The following DIAPH3 variants were observed in gnomAD, a reference collection of about 807,000 sequenced individuals.
DIAPH3 encodes the protein diaphanous related formin 3, also known as protein diaphanous homolog 3.
DIAPH3 carries 117 observed loss-of-function variants against 144.3 expected under a neutral mutation model. That is an observed-to-expected ratio of 0.81 (90% CI 0.70 to 0.95). The LOEUF (loss-of-function observed/expected upper bound fraction) is 0.95, where lower values mean the gene tolerates loss of function less well. Ranked by LOEUF, DIAPH3 falls within the 40% of genes least tolerant of loss-of-function variation. The pLI is 0.00. For synonymous variants in DIAPH3, 519 were observed against 488.9 expected (o/e 1.06, Z -0.81); for missense variants, 1,421 against 1,412.7 (o/e 1.01, Z -0.09).
chr13:60,087,759 G>A (rs899457009), intron 4 of DIAPH3, among the ~76,000 whole-genome samples: 2 of 149,850 alleles, frequency 1.3e-5, no homozygotes, highest in African/African-American at 4.9e-5. Context: ...TTATAAAAGA[G>A]GAATTCTGCT....
At chr13:59,841,744 G>A (rs566084611) in intron 22 of DIAPH3, among the ~76,000 whole-genome samples, 1 of 152,214 alleles carries the variant, frequency 6.6e-6, no homozygotes, top group African/African-American at 2.4e-5. Context: ...AATAGTAATG[G>A]TAATAACAAC....
At chr13:59,829,872 T>C (rs886744162) in intron 24 of DIAPH3, among the ~76,000 whole-genome samples, 1 of 151,688 alleles carries the variant, frequency 6.6e-6, no homozygotes, top group Non-Finnish European at 1.5e-5. Flanking sequence ...AGGTATGGAG[T>C]GAAGACAGTG....
chr13:60,041,323 C>T (rs912778175), intron 5 of DIAPH3, among the ~76,000 whole-genome samples: 7 of 152,156 alleles, frequency 4.6e-5, no homozygotes, highest in Non-Finnish European at 1.0e-4. Flanking sequence ...GGAGCATTTC[C>T]TACATGCTAA....
intron 15 of DIAPH3, 133 bp downstream of exon 15, chr13:59,974,218 AC>A: frequency 1.4e-6 from 1 of 720,714 alleles, no homozygotes; most frequent in Non-Finnish European, 2.3e-6. Flanking sequence ...ATAGCAAAAC[AC>A]AGTACAAATA....
At chr13:60,005,559 A>C (rs1566644731) in intron 9 of DIAPH3, among the ~76,000 whole-genome samples, 3 of 152,158 alleles carry the variant, frequency 2.0e-5, no homozygotes, top group South Asian at 4.2e-4. Flanking sequence ...CAACTCACTG[A>C]AAGCTCCGCC....
intron 2 of DIAPH3, among the ~76,000 whole-genome samples, chr13:60,131,435 CAAAAAAAAA>C (rs777909368): frequency 3.4e-5 from 1 of 29,306 alleles, no homozygotes; most frequent in Non-Finnish European, 8.3e-5. Context: ...GACCCTGTCT[CAAAAAAAAA>C]AAAAAAAAAA....
chr13:60,041,946 C>T (rs2055698994), intron 5 of DIAPH3, among the ~76,000 whole-genome samples: 1 of 152,064 alleles, frequency 6.6e-6, no homozygotes, highest in Non-Finnish European at 1.5e-5. Flanking sequence ...AATTAACATA[C>T]ATGATATATT....
At chr13:59,722,583 A>G (rs1283707689) in intron 27 of DIAPH3, among the ~76,000 whole-genome samples, 1 of 152,242 alleles carries the variant, frequency 6.6e-6, no homozygotes, top group East Asian at 1.9e-4. Flanking sequence ...TCATAGCACC[A>G]GCAACCATCC....
chr13:59,906,811 T>C (rs762898143), intron 20 of DIAPH3, among the ~76,000 whole-genome samples: 38 of 152,182 alleles, frequency 2.5e-4, no homozygotes, highest in Non-Finnish European at 5.9e-5. Flanking sequence ...AACTGCAAAT[T>C]TTTAGGCCTC....
At chr13:59,908,326 G>T (rs1036280989) in intron 20 of DIAPH3, among the ~76,000 whole-genome samples, 2 of 136,674 alleles carry the variant, frequency 1.5e-5, no homozygotes, top group Non-Finnish European at 3.0e-5. Flanking sequence ...AGCCGAGATC[G>T]TGCCACTGTA....
chr13:59,737,040 A>G (rs1566241216), intron 27 of DIAPH3, among the ~76,000 whole-genome samples: 3 of 152,224 alleles, frequency 2.0e-5, no homozygotes, highest in African/African-American at 4.8e-5. Flanking sequence ...AACGAAAACC[A>G]TAAAAACCCT....
chr13:60,034,065 G>A (rs915326426), intron 5 of DIAPH3, among the ~76,000 whole-genome samples: 2 of 152,150 alleles, frequency 1.3e-5, no homozygotes, highest in Admixed American at 1.3e-4. Flanking sequence ...AACAAGCCCA[G>A]AAAATTAATC....
At position 59,861,556 on chromosome 13, in the gene DIAPH3, G is replaced by A. The variant is rs775822319; in HGVS notation, c.2608-20C>T. 6.8e-6 allele frequency: 11 copies of A among 1,610,104 alleles called. No individual in the cohort carries two copies. Among genetic ancestry groups the A allele is most frequent in the Non-Finnish European group, 9.3e-6 (11 of 1,176,926 alleles). Reference sequence around the variant, plus strand: ...CTTTAGCTAAATAGAACAGGAGGGAGAAAAAACACAGAGTCATAAGTATGT... The same window carrying A: ...CTTTAGCTAAATAGAACAGGAGGGAAAAAAAACACAGAGTCATAAGTATGT... On this transcript the variant is annotated intron_variant, in intron 21 of 27. Transcript: ENST00000400324.
intron 20 of DIAPH3, among the ~76,000 whole-genome samples, chr13:59,897,466 C>T (rs1180617529): frequency 6.6e-6 from 1 of 152,094 alleles, no homozygotes; most frequent in Non-Finnish European, 1.5e-5. Context: ...AAAGTGGGTG[C>T]TGGCCGGGCA....
At position 59,839,331 on chromosome 13, in the gene DIAPH3, T is replaced by C; in HGVS notation, c.2855A>G (p.Lys952Arg). 6.2e-7 allele frequency: 1 copy of C among 1,613,494 alleles called. No individual in the cohort carries two copies. The highest frequency in any genetic ancestry group is 8.5e-7 in the Non-Finnish European group (1 of 1,179,672). Residue 952 changes from lysine (K) to arginine (R), a missense_variant, in exon 23 of 28, where the codon AAG becomes AGG. Lys to Arg is a conservative substitution (Grantham distance 26). Coordinates refer to ENST00000400324, the MANE Select transcript of DIAPH3 (RefSeq NM_001042517.2). ...TAGCTATCAAAAGGATATGGACATCTTTGTCACAAACTTGTCATGCAAGTC... is the reference window on the plus strand; with the variant it reads ...TAGCTATCAAAAGGATATGGACATCCTTGTCACAAACTTGTCATGCAAGTC... The part of the protein sequence containing the change: ...PEDLHDKFVT[K>R]MSRFVISAKE...
At chr13:60,009,229 T>C (rs982381170) in intron 8 of DIAPH3, among the ~76,000 whole-genome samples, 1 of 152,202 alleles carries the variant, frequency 6.6e-6, no homozygotes, top group Non-Finnish European at 1.5e-5. Flanking sequence ...CTATACTTCC[T>C]CTTCTTTTAA....
intron 17 of DIAPH3, among the ~76,000 whole-genome samples, chr13:59,962,010 T>A (rs181182147): frequency 9.3e-4 from 141 of 152,318 alleles, no homozygotes; most frequent in South Asian, 2.5e-3. Flanking sequence ...ATGGACAGTC[T>A]GATGTTGAAA....
intron 25 of DIAPH3, among the ~76,000 whole-genome samples, chr13:59,791,385 C>G (rs569527700): frequency 1.1e-3 from 173 of 152,284 alleles, no homozygotes; most frequent in African/African-American, 4.1e-3. Context: ...GTGCTAGAGT[C>G]TGTATGGAAC....
intron 4 of DIAPH3, among the ~76,000 whole-genome samples, chr13:60,047,070 C>T (rs1187689706): frequency 6.6e-6 from 1 of 151,904 alleles, no homozygotes; most frequent in Non-Finnish European, 1.5e-5. Flanking sequence ...CACGTGTATA[C>T]CTATGTAACA....
Sources: gnomAD v4.1 joint callset for allele counts (sites outside exome capture counted in the v4.1 genomes callset) on GRCh38, gnomAD v4.1.1 for gene constraint, MANE v1.5 for transcripts, NCBI Gene and HGNC (gene_info 2026-07-23, HGNC 2026-07-21) for gene names.